SCFD2: variants seen among roughly 807,000 people sequenced by gnomAD.
The protein encoded by SCFD2 is sec1 family domain-containing protein 2.
A neutral mutation model predicts 58.9 loss-of-function variants in SCFD2; 54 were observed. The ratio of observed to expected loss-of-function variants is 0.92; its 90% confidence interval spans 0.74 to 1.15. The LOEUF is 1.15. Among genes scored for constraint, SCFD2 ranks in the 50% most tolerant of loss-of-function variants. SCFD2 has a pLI of 0.00. For missense variants in SCFD2, 805 were observed against 836.6 expected, an observed-to-expected ratio of 0.96 and a Z score of 0.47; for synonymous variants, 321 against 335.9, an observed-to-expected ratio of 0.96 and a Z score of 0.49.
intron 5 of SCFD2, among the ~76,000 whole-genome samples, chr4:52,951,948 C>T (rs542991249): frequency 6.6e-6 from 1 of 152,250 alleles, no homozygotes; most frequent in African/African-American, 2.4e-5. Context: ...AGCTGGATTA[C>T]AAAAATGCAT....
intron 4 of SCFD2, among the ~76,000 whole-genome samples, chr4:53,150,982 G>A (rs901578329): frequency 2.6e-5 from 4 of 152,178 alleles, no homozygotes; most frequent in African/African-American, 4.8e-5. Context: ...AACGTCAGAA[G>A]TGAATTACAC....
chr4:53,039,857 C>T (rs900862903), intron 5 of SCFD2, among the ~76,000 whole-genome samples: 11 of 152,154 alleles, frequency 7.2e-5, no homozygotes, highest in East Asian at 1.9e-4. Flanking sequence ...TCTCCTAAGA[C>T]GGTTGCTAGA....
intron 4 of SCFD2, among the ~76,000 whole-genome samples, chr4:53,210,590 C>A (rs766105061): frequency 6.6e-6 from 1 of 151,992 alleles, no homozygotes; most frequent in African/African-American, 2.4e-5. Flanking sequence ...ACTCATCTCA[C>A]TAAATATTTC....
chr4:52,876,031 G>A (rs1213063762), intron 8 of SCFD2, among the ~76,000 whole-genome samples: 2 of 151,684 alleles, frequency 1.3e-5, no homozygotes, highest in Non-Finnish European at 2.9e-5. Context: ...TCCCGAGAGG[G>A]TCTCTACGTC....
chr4:53,067,938 G>A (rs532391401), intron 5 of SCFD2, among the ~76,000 whole-genome samples: 2 of 152,066 alleles, frequency 1.3e-5, no homozygotes, highest in African/African-American at 4.8e-5. Context: ...GCTAGGAGGA[G>A]CCAGCCAGAA....
intron 5 of SCFD2, among the ~76,000 whole-genome samples, chr4:52,972,309 G>A (rs1325707640): frequency 1.3e-5 from 2 of 152,178 alleles, no homozygotes; most frequent in East Asian, 1.9e-4. Flanking sequence ...TCAAAATAAA[G>A]GGATGGAGGA....
intron 2 of SCFD2, among the ~76,000 whole-genome samples, chr4:53,325,192 C>CGT (rs1406646068): frequency 1.3e-5 from 2 of 150,716 alleles, no homozygotes; most frequent in African/African-American, 4.9e-5. Context: ...TGTGTGTGTG[C>CGT]GCGTGCGCGC....
At chr4:53,306,970 A>C (rs1184802845) in intron 3 of SCFD2, among the ~76,000 whole-genome samples, 2 of 152,242 alleles carry the variant, frequency 1.3e-5, no homozygotes, top group African/African-American at 4.8e-5. Flanking sequence ...TGGCACGCCA[A>C]CTGCATCCTG....
chr4:53,319,810 G>A (rs80059416), intron 2 of SCFD2, among the ~76,000 whole-genome samples: 2 of 152,258 alleles, frequency 1.3e-5, no homozygotes, highest in East Asian at 1.9e-4. Flanking sequence ...GGGATTACAG[G>A]CATGAGCCAC....
At chr4:52,997,231 G>A (rs1007896657) in intron 5 of SCFD2, among the ~76,000 whole-genome samples, 1 of 152,192 alleles carries the variant, frequency 6.6e-6, no homozygotes, top group Non-Finnish European at 1.5e-5. Context: ...CCAATGAGTT[G>A]TTATTGTTGG....
intron 5 of SCFD2, among the ~76,000 whole-genome samples, chr4:52,983,246 A>T (rs188698612): frequency 1.3e-5 from 2 of 152,196 alleles, no homozygotes; most frequent in African/African-American, 4.8e-5. Context: ...CAATGTATAT[A>T]TTTGTCATTT....
intron 5 of SCFD2, among the ~76,000 whole-genome samples, chr4:53,118,757 T>C (rs1311829977): frequency 6.6e-6 from 1 of 152,156 alleles, no homozygotes; most frequent in Non-Finnish European, 1.5e-5. Flanking sequence ...CATTCGATTC[T>C]GACTCTAGAA....
chr4:53,309,877 C>G (rs1326680231), intron 3 of SCFD2, among the ~76,000 whole-genome samples: 1 of 152,156 alleles, frequency 6.6e-6, no homozygotes, highest in Non-Finnish European at 1.5e-5. Context: ...TCATAACTTC[C>G]CTCTGCTCAG....
chr4:53,295,762 T>C (rs1170962317), intron 3 of SCFD2, among the ~76,000 whole-genome samples: 2 of 152,220 alleles, frequency 1.3e-5, no homozygotes, highest in East Asian at 1.9e-4. Flanking sequence ...ATTATGATAT[T>C]GGCTGTGGGT....
At chr4:53,246,710 A>C (rs1386303753) in intron 4 of SCFD2, among the ~76,000 whole-genome samples, 1 of 152,194 alleles carries the variant, frequency 6.6e-6, no homozygotes, top group Non-Finnish European at 1.5e-5. Flanking sequence ...TAAGGACTTA[A>C]TTAATTGAAT....
At chr4:53,284,592 TCA>T (rs1461285903) in intron 3 of SCFD2, among the ~76,000 whole-genome samples, 1 of 152,218 alleles carries the variant, frequency 6.6e-6, no homozygotes, top group Non-Finnish European at 1.5e-5. Context: ...TTTATTACTA[TCA>T]CTATTTGTAC....
At chr4:53,362,106 A>T (rs1734563378) in intron 1 of SCFD2, among the ~76,000 whole-genome samples, 1 of 152,174 alleles carries the variant, frequency 6.6e-6, no homozygotes, top group African/African-American at 2.4e-5. Context: ...GGCTATGACA[A>T]ATAAAGCCAG....
chr4:53,239,247 G>A (rs1053725234), intron 4 of SCFD2, among the ~76,000 whole-genome samples: 18 of 152,046 alleles, frequency 1.2e-4, no homozygotes, highest in Non-Finnish European at 2.2e-4. Context: ...GCACTCGGCA[G>A]GCTGAGTCAG....
chr4:53,157,951 T>C (rs979033250), intron 4 of SCFD2, among the ~76,000 whole-genome samples: 2 of 152,352 alleles, frequency 1.3e-5, no homozygotes, highest in African/African-American at 2.4e-5. Context: ...ATGTAAATTA[T>C]GTGCGCTCAG....
Sources: gnomAD v4.1 joint callset for allele counts (sites outside exome capture counted in the v4.1 genomes callset) on GRCh38, gnomAD v4.1.1 for gene constraint, MANE v1.5 for transcripts, NCBI Gene and HGNC (gene_info 2026-07-23, HGNC 2026-07-21) for gene names.